The following SPAG5 variants were observed in gnomAD, a reference collection of about 807,000 sequenced individuals.
SPAG5 encodes sperm associated antigen 5.
Under a neutral mutation model 145.4 loss-of-function variants are expected in SPAG5, and 99 were observed. The observed-to-expected ratio is 0.68, with a 90% CI of 0.58 to 0.80. The LOEUF is 0.80. Among genes scored for constraint, SPAG5 ranks in the 30% least tolerant of loss-of-function variants. SPAG5 has a pLI of 0.00. For synonymous variants in SPAG5, 477 were observed against 525.4 expected, an observed-to-expected ratio of 0.91 and a Z score of 1.26; for missense variants, 1,192 against 1,416.0, an observed-to-expected ratio of 0.84 and a Z score of 2.54.
Position 28,578,389 on chromosome 17 carries a change from A to G in SPAG5, c.3338T>C (p.Val1113Ala). 1 of 1,614,128 alleles carries G rather than the reference A, an allele frequency of 6.2e-7. No homozygotes were observed. Among genetic ancestry groups the G allele is most frequent in the East Asian group, 2.2e-5 (1 of 44,886 alleles). ...CTGAGTCACCTCCTGAGAGAGCCACACTTTCTCCTGGATCCAATTGGTGGC... is the reference window on the plus strand; with the variant it reads ...CTGAGTCACCTCCTGAGAGAGCCACGCTTTCTCCTGGATCCAATTGGTGGC... ...PMATNWIQEK[V>A]WLSQEVDKLR... The change falls in exon 21 of 24, where the codon GTG becomes GCG. Residue 1113 changes from valine to alanine, a missense_variant. Physicochemically the swap from Val to Ala is moderately conservative, Grantham distance 64. Coordinates refer to ENST00000321765, the MANE Select transcript of SPAG5 (RefSeq NM_006461.4).
At chr17:28,586,211 T>C in intron 5 of SPAG5, 29 bp from the exon 6 acceptor site, 1 of 1,567,552 alleles carries the variant, frequency 6.4e-7, no homozygotes, top group South Asian at 1.1e-5. Flanking sequence ...GTAGGTGAGA[T>C]CAAATAAAGT....
chr17:28,581,565 CTCT>C (rs1409391106), intron 15 of SPAG5, among the ~76,000 whole-genome samples: 2 of 151,066 alleles, frequency 1.3e-5, no homozygotes, highest in Non-Finnish European at 2.9e-5. Context: ...CCAAATCCTC[CTCT>C]ACTTGTTGGA....
chr17:28,590,868 C>CAAAAAAA (rs60727111), intron 4 of SPAG5, among the ~76,000 whole-genome samples: 3 of 37,420 alleles, frequency 8.0e-5, no homozygotes, highest in East Asian at 8.7e-4. Context: ...GACTCCGTCT[C>CAAAAAAA]AAAAAAAAAA....
At position 28,586,131 on chromosome 17, in the gene SPAG5, G is replaced by A. The variant is rs375884808; in HGVS notation, c.1564C>T (p.Leu522=). 76 of 1,614,046 alleles carry A rather than the reference G, an allele frequency of 4.7e-5. No individual in the cohort carries two copies. The highest frequency in any genetic ancestry group is 6.3e-5 in the Non-Finnish European group (74 of 1,180,024). Residue 522 remains leucine (L), a synonymous_variant, in exon 6 of 24, where the codon CTG becomes TTG. Coordinates refer to ENST00000321765, the MANE Select transcript of SPAG5 (RefSeq NM_006461.4). ...KELISLLHLS[L]LHLEEDKTTV... is the part of the protein sequence containing the mutation. ...GTCTTATCTTCTTCTAAATGCAACAGGGATAGGTGAAGCAAGGATATCAGC... is the reference window on the plus strand; with the variant it reads ...GTCTTATCTTCTTCTAAATGCAACAAGGATAGGTGAAGCAAGGATATCAGC...
Position 28,579,779 on chromosome 17 carries a change from T to A in SPAG5, c.2856A>T (p.Val952=), listed in dbSNP as rs758157299. ...CGGGCTGAAGGGAAACCATTGATGC[T>A]ACTCGGGTGAAAGCACTCTTGTCAC... is the stretch of plus-strand genomic sequence containing the variant. The part of the protein sequence containing the change: ...LGSDKSAFTR[V]ASMVSLQPAE... Residue 952 remains valine (V), a synonymous_variant, in exon 17 of 24, where the codon GTA becomes GTT. Coordinates refer to ENST00000321765, the MANE Select transcript of SPAG5 (RefSeq NM_006461.4). 3.1e-6 allele frequency: 5 copies of A among 1,614,246 alleles called. No individual in the cohort carries two copies. The highest frequency in any genetic ancestry group is 3.4e-6 in the Non-Finnish European group (4 of 1,180,034).
At chr17:28,595,082 A>AC (rs2070652777) in intron 2 of SPAG5, among the ~76,000 whole-genome samples, 1 of 151,544 alleles carries the variant, frequency 6.6e-6, no homozygotes, top group South Asian at 2.1e-4. Context: ...ACATGGTGAA[A>AC]CCCCATCTCT....
At chr17:28,582,692 T>G (rs971554133) in intron 15 of SPAG5, 1 of 152,208 alleles carries the variant, frequency 6.6e-6, no homozygotes, top group African/African-American at 2.4e-5. Flanking sequence ...TTTTAGGATA[T>G]TTGTTGTGCC....
At chr17:28,581,068 G>A (rs969593459) in intron 15 of SPAG5, among the ~76,000 whole-genome samples, 1 of 152,170 alleles carries the variant, frequency 6.6e-6, no homozygotes, top group Non-Finnish European at 1.5e-5. Flanking sequence ...GGAGAGGGAA[G>A]GCTAGCAAAT....
intron 2 of SPAG5, among the ~76,000 whole-genome samples, chr17:28,593,787 C>A (rs1334748409): frequency 6.6e-6 from 1 of 151,942 alleles, no homozygotes; most frequent in African/African-American, 2.4e-5. Context: ...CTGGAAGACA[C>A]AGATGATAAT....
intron 2 of SPAG5, 94 bp downstream of exon 2, chr17:28,598,416 T>C (rs1425192596): frequency 1.4e-6 from 2 of 1,418,870 alleles, no homozygotes; most frequent in African/African-American, 2.9e-5. Context: ...GACTTCATTA[T>C]CGTTATTAAT....
intron 2 of SPAG5, among the ~76,000 whole-genome samples, chr17:28,598,158 A>G (rs1257212394): frequency 6.6e-6 from 1 of 152,182 alleles, no homozygotes; most frequent in Non-Finnish European, 1.5e-5. Flanking sequence ...TACCTCCTAG[A>G]GTAAATGGAT....
Position 28,580,000 on chromosome 17 carries a change from G to A in SPAG5, c.2797+9C>T. On this transcript the variant is annotated intron_variant, in intron 16 of 23. Transcript: ENST00000321765. ...AACTTTCCCACCCCCAAATCCCAGG[G>A]CCTTTAACCTTCATCTGCCACTGCT... is the stretch of plus-strand genomic sequence containing the variant. 1 of 1,605,944 alleles carries A rather than the reference G, an allele frequency of 6.2e-7. No homozygotes were observed. Among genetic ancestry groups the A allele is most frequent in the South Asian group, 1.1e-5 (1 of 90,822 alleles).
At position 28,585,868 on chromosome 17, in the gene SPAG5, T is replaced by C. The variant is rs747457855; in HGVS notation, c.1736A>G (p.Asp579Gly). The change falls in exon 7 of 24, where the codon GAT (aspartate) becomes GGT (glycine). Residue 579 changes from aspartate (D) to glycine (G), a missense_variant. Transcript: ENST00000321765. Reference protein sequence around the residue: ...HREEMALRGKDAAEIVLEAFC... With the variant: ...HREEMALRGKGAAEIVLEAFC... ...AACAAATGCCTGTCACCTTACCGCATCCTTGCCTCTGAGAGCCATTTCCTC... is the reference window on the plus strand; with the variant it reads ...AACAAATGCCTGTCACCTTACCGCACCCTTGCCTCTGAGAGCCATTTCCTC... 1.9e-6 allele frequency: 3 copies of C among 1,614,102 alleles called. No homozygotes were observed. Among genetic ancestry groups the C allele is most frequent in the Non-Finnish European group, 2.5e-6 (3 of 1,180,050 alleles).
rs2070582545 is a variant in SPAG5, at chr17:28,585,962, C to A, written c.1642G>T (p.Asp548Tyr). 6.2e-7 allele frequency: 1 copy of A among 1,614,108 alleles called. No individual in the cohort carries two copies. Among genetic ancestry groups the A allele is most frequent in the African/African-American group, 1.3e-5 (1 of 74,926 alleles). Residue 548 changes from aspartate (D) to tyrosine (Y), a missense_variant, in exon 7 of 24, where the codon GAT becomes TAT. Physicochemically the swap from Asp to Tyr is radical, Grantham distance 160. This residue lies in a region of SPAG5 where 709 missense variants were observed against 840.7 expected (regional missense o/e 0.84). Transcript: ENST00000321765. ...TTTGCCCTCAATTTCTTCAGCAAAT[C>A]AAAACAGCAACAGACCAATGTTTCT... ...RAETLVCCCF[D>Y]LLKKLRAKLQ...
In SPAG5 at chr17:28,583,968, G is replaced by A; in HGVS notation, c.2431C>T (p.Gln811Ter). ...ETLEFADQENQVAHLELGQVE... is the reference protein window; with the variant it reads ...ETLEFADQEN Reference sequence around the variant, plus strand: ...TGACCCAGCTCCAGGTGAGCAACCTGATTCTCCTGGTCTGCAAACTGGGAA... The same window carrying A: ...TGACCCAGCTCCAGGTGAGCAACCTAATTCTCCTGGTCTGCAAACTGGGAA... Residue 811 changes from glutamine (Q) to a stop codon, truncating the protein, a stop_gained, in exon 14 of 24, where the codon CAG becomes TAG. Transcript: ENST00000321765. LOFTEE classifies it high-confidence loss of function. 6.2e-7 allele frequency: 1 copy of A among 1,614,148 alleles called. No individual in the cohort carries two copies.
In SPAG5 at chr17:28,591,686, G is replaced by T. The variant is rs753101635; in HGVS notation, c.1437+12C>A. The T allele has an allele frequency of 1.9e-6, 3 of 1,590,870 alleles. No homozygotes were observed. Among genetic ancestry groups the T allele is most frequent in the Admixed American group, 3.5e-5 (2 of 56,666 alleles). The stretch of plus-strand genomic sequence containing the variant: ...ACTGGGATCCCTCAAGCTTTGAGAG[G>T]AACCTTCTTACCCCACTGTGAGATG... On this transcript the variant is annotated intron_variant, in intron 4 of 23. Coordinates refer to ENST00000321765, the MANE Select transcript of SPAG5 (RefSeq NM_006461.4).
chr17:28,584,801 G>C (rs541361767), intron 10 of SPAG5, 56 bp from the exon 11 acceptor site: 1 of 1,339,194 alleles, frequency 7.5e-7, no homozygotes, highest in Non-Finnish European at 1.1e-6. Flanking sequence ...ATAATCCCAG[G>C]ACTTGGTCCA....
Position 28,585,169 on chromosome 17 carries a change from T to C in SPAG5, c.2000A>G (p.Glu667Gly). The change falls in exon 10 of 24, where the codon GAG becomes GGG. Residue 667 changes from glutamate (E) to glycine (G), a missense_variant. Glu to Gly is a moderately conservative substitution (Grantham distance 98). This residue lies in a region of SPAG5 where 709 missense variants were observed against 840.7 expected (regional missense o/e 0.84). Coordinates refer to ENST00000321765, the MANE Select transcript of SPAG5 (RefSeq NM_006461.4). Reference protein sequence around the residue: ...ALLSRSRQLTEKLTVKSQQAL... With the variant: ...ALLSRSRQLTGKLTVKSQQAL... ...TTGCTGGCTCTTGACTGTGAGTTTC[T>C]CTGTGAGTTGTCGGGACCGACTCAG... 3.1e-6 allele frequency: 5 copies of C among 1,614,238 alleles called. No homozygotes were observed. The highest frequency in any genetic ancestry group is 4.2e-6 in the Non-Finnish European group (5 of 1,180,036).
At position 28,598,542 on chromosome 17, in the gene SPAG5, G is replaced by A; in HGVS notation, c.145C>T (p.Leu49=). The A allele has an allele frequency of 6.2e-7, 1 of 1,613,960 alleles. No homozygotes were observed. The highest frequency in any genetic ancestry group is 8.5e-7 in the Non-Finnish European group (1 of 1,179,984). ...CCCAGCTTGCACAGTGATGGGGTCA[G>A]CGAGGAGCAAGCGGGGGATCTTTTT... ...SGKRSPACSS[L]TPSLCKLGLQ... is the part of the protein sequence containing the mutation. The change falls in exon 2 of 24, where the codon CTG becomes TTG. Residue 49 remains leucine (L), a synonymous_variant. Coordinates refer to ENST00000321765, the MANE Select transcript of SPAG5 (RefSeq NM_006461.4).
Sources: gnomAD v4.1 joint callset for allele counts (sites outside exome capture counted in the v4.1 genomes callset) on GRCh38, gnomAD v4.1.1 for gene constraint, gnomAD v4.1.1 regional missense constraint, MANE v1.5 for transcripts, NCBI Gene and HGNC (gene_info 2026-07-23, HGNC 2026-07-21) for gene names.